The following TRAF7 variants were observed in gnomAD, a reference collection of about 807,000 sequenced individuals.
The protein encoded by TRAF7 is TNF receptor associated factor 7.
TRAF7 carries 45 observed loss-of-function variants against 89.3 expected under a neutral mutation model. That is an observed-to-expected ratio of 0.50 (90% CI 0.40 to 0.65). The LOEUF (loss-of-function observed/expected upper bound fraction) is 0.65, where lower values mean the gene tolerates loss of function less well. Among genes scored for constraint, TRAF7 ranks in the 30% least tolerant of loss-of-function variants. The pLI is 0.00. For missense variants in TRAF7, 677 were observed against 918.1 expected (o/e 0.74, Z 3.39); for synonymous variants, 406 against 369.2 (o/e 1.10, Z -1.14).
chr16:2,164,169 CGCGCGCGCGCGCACGCGT>C (rs1050423684), intron 2 of TRAF7, among the ~76,000 whole-genome samples, 168 bp downstream of exon 2: 83 of 109,738 alleles, frequency 7.6e-4, no homozygotes, highest in East Asian at 3.9e-3. Context: ...TGCGCGCGCG[CGCGCGCGCGCGCACGCGT>C]GCGTGTGTGG....
rs58644725 is a variant in TRAF7, at chr16:2,161,372, A to G, written c.-38-2511A>G. 1.3e-5 allele frequency among the ~76,000 whole-genome samples: 2 copies of G among 151,878 alleles called. No individual in the cohort carries two copies. The highest frequency in any genetic ancestry group is 4.8e-5 in the African/African-American group (2 of 41,328). On this transcript the variant is annotated intron_variant, in intron 1 of 20. Coordinates refer to ENST00000326181, the MANE Select transcript of TRAF7 (RefSeq NM_032271.3). The surrounding 1 kb of genome is among the most constrained non-coding windows in gnomAD (Gnocchi z 5.2). Reference sequence around the variant, plus strand: ...AGCTGGGACTTTCTGGCTGATTTGCACATTGCCCTGCGTGCCTTTCTGTTC... The same window carrying G: ...AGCTGGGACTTTCTGGCTGATTTGCGCATTGCCCTGCGTGCCTTTCTGTTC...
Position 2,176,070 on chromosome 16 carries a change from G to A in TRAF7, c.1768G>A (p.Glu590Lys). Residue 590 changes from glutamate (E) to lysine (K), a missense_variant, in exon 19 of 21, where the codon GAG becomes AAG. Glu to Lys is a moderately conservative substitution (Grantham distance 56). Around this residue, in one of 6 missense-constraint regions of TRAF7, gnomAD observed 160 missense variants for 263.7 expected, o/e 0.61. Coordinates refer to ENST00000326181, the MANE Select transcript of TRAF7 (RefSeq NM_032271.3). Reference protein sequence around the residue: ...LIHVWDIESKEQVRTLTGHVG... With the variant: ...LIHVWDIESKKQVRTLTGHVG... Reference sequence around the variant, plus strand: ...CCAGGTGTGGGACATTGAGTCCAAGGAGCAGGTGCGGACCCTCACGGGCCA... The same window carrying A: ...CCAGGTGTGGGACATTGAGTCCAAGAAGCAGGTGCGGACCCTCACGGGCCA... The A allele has an allele frequency of 6.2e-7, 1 of 1,610,210 alleles. No homozygotes were observed.
rs2093141778 is a variant in TRAF7, at chr16:2,177,351, G to A, written c.*777G>A. ...GAGACAGCAGGAAGGGGCCCTGCAC[G>A]CCGGGACGCCACCTCCGCCAGCCGC... On this transcript the variant is annotated 3_prime_UTR_variant, in exon 21 of 21. Coordinates refer to ENST00000326181, the MANE Select transcript of TRAF7 (RefSeq NM_032271.3). 6 of 233,762 alleles carry A rather than the reference G, an allele frequency of 2.6e-5. No homozygotes were observed. Among genetic ancestry groups the A allele is most frequent in the Non-Finnish European group, 4.2e-5 (5 of 118,366 alleles). The allele number at this position is 233,762 out of a possible 1,614,324, so 14.5% of individuals were successfully genotyped here. A position where few individuals can be genotyped will look rare whatever the true frequency, so the allele number is the denominator to read the frequency against.
rs748141365 is a variant in TRAF7, at chr16:2,173,766, TGCCCTGCCCTTG to T, written c.1087-14_1087-3del. ...ACAGCAGCCCTGCCCACCTGCCCTC[TGCCCTGCCCTTG>T]GCCCTGCAGGACGAGCTGTCCCACA... On this transcript the variant is annotated splice_polypyrimidine_tract_variant and intron_variant, in intron 11 of 20. Transcript: ENST00000326181. 4.3e-6 allele frequency: 7 copies of T among 1,609,474 alleles called. No homozygotes were observed. In the Admixed American group the frequency reaches 6.7e-5, roughly 15 times the overall value.
chr16:2,172,147 T>C, intron 7 of TRAF7, 44 bp from the exon 8 acceptor site: 1 of 1,609,952 alleles, frequency 6.2e-7, no homozygotes, highest in Admixed American at 1.7e-5. Context: ...TGAGGGAGCG[T>C]GTGCCAGGCA....
chr16:2,171,641 C>T lies in TRAF7; in HGVS notation c.475+36C>T, dbSNP rs201033493. On this transcript the variant is annotated intron_variant, in intron 7 of 20. Coordinates refer to ENST00000326181, the MANE Select transcript of TRAF7 (RefSeq NM_032271.3). Reference sequence around the variant, plus strand: ...GCCCCGGCCCAGGCCTGACGCCGACCGTGCCCATGGCTGCCGAGCAGAGGC... The same window carrying T: ...GCCCCGGCCCAGGCCTGACGCCGACTGTGCCCATGGCTGCCGAGCAGAGGC... 5.1e-3 allele frequency: 8,162 copies of T among 1,612,920 alleles called. 41 individuals are homozygous for T. Among genetic ancestry groups the T allele is most frequent in the Non-Finnish European group, 6.0e-3 (7,079 of 1,179,838 alleles).
At chr16:2,164,151 TGTGTGTGTGCGC>T in intron 2 of TRAF7, 150 bp downstream of exon 2, 1 of 559,518 alleles carries the variant, frequency 1.8e-6, no homozygotes, top group African/African-American at 2.3e-5. Context: ...TGTGTGTGTG[TGTGTGTGTGCGC>T]GCGCGCGCGC....
rs376160614 is a variant in TRAF7 at position 2,175,441 on chromosome 16, G to A, written c.1503+24G>A. ...AGGTACGGGTGGAGGCTGTGCCTAC[G>A]TGTGTGTCACTGAGGCGTCCCTTGC... On this transcript the variant is annotated intron_variant, in intron 16 of 20. Coordinates refer to ENST00000326181, the MANE Select transcript of TRAF7 (RefSeq NM_032271.3). 9.0e-4 allele frequency: 1,453 copies of A among 1,612,600 alleles called. 1 individual carries two copies. Among genetic ancestry groups the A allele is most frequent in the Non-Finnish European group, 1.1e-3 (1,313 of 1,179,220 alleles).
intron 2 of TRAF7, among the ~76,000 whole-genome samples, chr16:2,164,488 A>T (rs2093073941): frequency 7.5e-6 from 1 of 132,728 alleles, no homozygotes; most frequent in African/African-American, 2.9e-5. Flanking sequence ...TCGCATGGTT[A>T]AGCGTGTGAG....
chr16:2,165,435 G>A (rs1229722991), intron 2 of TRAF7, among the ~76,000 whole-genome samples: 7 of 131,946 alleles, frequency 5.3e-5, no homozygotes, highest in East Asian at 2.3e-4. Context: ...ATGGTTAAGC[G>A]TGTTAGTGCT....
In TRAF7 at chr16:2,175,054, C is replaced by T. The variant is rs578178206; in HGVS notation, c.1347-57C>T. On this transcript the variant is annotated intron_variant, in intron 14 of 20. Transcript: ENST00000326181. The stretch of plus-strand genomic sequence containing the variant: ...GCATGGACCTCGGGCCCTGCCAGGG[C>T]GGTGTCAGCATGGACACAGCTTCTC... The T allele has an allele frequency of 6.3e-5, 102 of 1,609,132 alleles. 1 individual carries two copies. The South Asian group carries it at 8.8e-4, about 14-fold the overall frequency.
Position 2,178,027 on chromosome 16 carries a change from ATTTC to A in TRAF7, c.*1461_*1464del, listed in dbSNP as rs2093148299. The A allele has an allele frequency of 4.6e-6, 2 of 436,726 alleles. No homozygotes were observed. Among genetic ancestry groups the A allele is most frequent in the African/African-American group, 2.1e-5 (1 of 47,792 alleles). The allele number at this position is 436,726 out of a possible 1,614,324, so 27.1% of individuals were successfully genotyped here. On this transcript the variant is annotated 3_prime_UTR_variant, in exon 21 of 21. Coordinates refer to ENST00000326181, the MANE Select transcript of TRAF7 (RefSeq NM_032271.3). ...AATGGTTTTCTATAGAATCAATAAT[ATTTC>A]TTTCTTTAAATATATATTTGTTAAA... is the stretch of plus-strand genomic sequence containing the variant.
At chr16:2,172,420 C>G in intron 8 of TRAF7, 45 bp from the exon 9 acceptor site, 1 of 1,610,918 alleles carries the variant, frequency 6.2e-7, no homozygotes, top group Non-Finnish European at 8.5e-7. Context: ...GGGGCTGCTT[C>G]TCAGGGCTCT....
At position 2,175,770 on chromosome 16, in the gene TRAF7, G is replaced by A. The variant is rs2093133103; in HGVS notation, c.1627-64G>A. On this transcript the variant is annotated intron_variant, in intron 17 of 20. Coordinates refer to ENST00000326181, the MANE Select transcript of TRAF7 (RefSeq NM_032271.3). The stretch of plus-strand genomic sequence containing the variant: ...CTGCCCAGCAGTGCTGAAGCCCTGG[G>A]GGTGCGGGGGCCCTGGGGGTGAAGC... 4 of 1,602,656 alleles carry A rather than the reference G, an allele frequency of 2.5e-6. No individual in the cohort carries two copies. The East Asian group carries it at 6.7e-5, about 27-fold the overall frequency.
In TRAF7 at chr16:2,162,236, A is replaced by C. The variant is rs991593159; in HGVS notation, c.-38-1647A>C. On this transcript the variant is annotated intron_variant, in intron 1 of 20. Transcript: ENST00000326181. This position sits in a 1 kb window ranked among gnomAD's most constrained non-coding sequence, Gnocchi z 5.0. ...TTGGAAGGGACAGGTGGGCCTGGGC[A>C]GCCTAGAGAATGGGAGAGGAGACAG... Among the ~76,000 whole-genome samples the C allele has an allele frequency of 2.6e-5, 4 of 150,982 alleles. No individual in the cohort carries two copies. The highest frequency in any genetic ancestry group is 6.5e-5 in the Admixed American group (1 of 15,280).
rs966146156 is a variant in TRAF7, at chr16:2,159,842, G to A, written c.-39+3984G>A. Among the ~76,000 whole-genome samples the A allele has an allele frequency of 2.6e-5, 4 of 152,238 alleles. No homozygotes were observed. Among genetic ancestry groups the A allele is most frequent in the Non-Finnish European group, 4.4e-5 (3 of 68,026 alleles). On this transcript the variant is annotated intron_variant, in intron 1 of 20. Transcript: ENST00000326181. This position sits in a 1 kb window ranked among gnomAD's most constrained non-coding sequence, Gnocchi z 6.5. The stretch of plus-strand genomic sequence containing the variant: ...TGCTTTAAGGCCGGGCCTGGCCCGA[G>A]CAGGGAGCTGCATCTGGAAGCCCCC...
At chr16:2,173,857 G>GCGGGGCCCCCCC in intron 12 of TRAF7, 21 bp downstream of exon 12, 3 of 1,607,494 alleles carry the variant, frequency 1.9e-6, no homozygotes, top group Non-Finnish European at 2.5e-6. Context: ...ACCCGCCGTG[G>GCGGGGCCCCCCC]CTCCCGCCCA....
chr16:2,176,423 C>T, intron 20 of TRAF7, 39 bp downstream of exon 20: 1 of 1,611,812 alleles, frequency 6.2e-7, no homozygotes, highest in Non-Finnish European at 8.5e-7. Flanking sequence ...AGGGGCTGCA[C>T]AGGATGGAGC....
At chr16:2,173,100 C>T in intron 9 of TRAF7, 82 bp from the exon 10 acceptor site, 1 of 1,356,874 alleles carries the variant, frequency 7.4e-7, no homozygotes, top group Non-Finnish European at 1.0e-6. Flanking sequence ...GGCCACAGGG[C>T]TGGAGCATTT....
Sources: allele counts gnomAD v4.1 joint callset (sites outside exome capture counted in the v4.1 genomes callset), GRCh38; gene constraint gnomAD v4.1.1; regional missense constraint gnomAD v4.1.1; non-coding constraint Gnocchi (gnomAD v3.1); transcripts MANE v1.5; gene names NCBI Gene and HGNC (gene_info 2026-07-23, HGNC 2026-07-21).